The following MGAT4C variants were observed in gnomAD, a reference collection of about 807,000 sequenced individuals.
The protein encoded by MGAT4C is MGAT4 family member C.
Under a neutral mutation model 40.1 loss-of-function variants are expected in MGAT4C, and 19 were observed. The ratio of observed to expected loss-of-function variants is 0.47; its 90% confidence interval spans 0.33 to 0.70. MGAT4C has a LOEUF of 0.70. MGAT4C is among the 30% of genes least tolerant of loss of function. The pLI is 0.02. For missense variants in MGAT4C, 491 were observed against 563.2 expected (o/e 0.87, Z 1.30); for synonymous variants, 181 against 187.1 (o/e 0.97, Z 0.27).
Position 85,956,723 on chromosome 12 carries a change from G to A in MGAT4C, c.*22566C>T, listed in dbSNP as rs1217250205. On this transcript the variant is annotated 3_prime_UTR_variant, in exon 5 of 5. Coordinates refer to ENST00000611864, the MANE Select transcript of MGAT4C (RefSeq NM_001351288.2). ...TTAGTCAATAAATCATGAGCCCAAA[G>A]TCTATCCTCAACCAATCTAATCATG... The A allele has an allele frequency of 6.6e-6, 1 of 152,176 alleles. No individual in the cohort carries two copies. The highest frequency in any genetic ancestry group is 6.6e-5 in the Admixed American group (1 of 15,260). The allele number at this position is 152,176 out of a possible 1,614,324, so 9.4% of individuals were successfully genotyped here.
chr12:86,418,420 T>C (rs969618123), intron 3 of MGAT4C, among the ~76,000 whole-genome samples: 2 of 151,896 alleles, frequency 1.3e-5, no homozygotes, highest in African/African-American at 4.8e-5. Context: ...CTGGCTAACA[T>C]GGTGAAACTC....
intron 2 of MGAT4C, among the ~76,000 whole-genome samples, chr12:86,674,485 C>T (rs185739772): frequency 2.0e-4 from 30 of 152,160 alleles, no homozygotes; most frequent in East Asian, 7.8e-4. Context: ...CACCAGAGGT[C>T]GAGAGTTCGA....
At chr12:86,188,133 A>G (rs1888983260) in intron 1 of MGAT4C, among the ~76,000 whole-genome samples, 1 of 152,042 alleles carries the variant, frequency 6.6e-6, no homozygotes, top group Admixed American at 6.6e-5. Flanking sequence ...CTAGAAAAGT[A>G]TTTTTCAAAT....
chr12:86,284,599 T>C (rs1953302474), intron 4 of MGAT4C, among the ~76,000 whole-genome samples: 1 of 151,956 alleles, frequency 6.6e-6, no homozygotes, highest in South Asian at 2.1e-4. Context: ...TGTCTTACTA[T>C]CAAATACTTC....
intron 3 of MGAT4C, among the ~76,000 whole-genome samples, chr12:86,334,796 T>C (rs1954747477): frequency 6.6e-6 from 1 of 152,138 alleles, no homozygotes; most frequent in Non-Finnish European, 1.5e-5. Context: ...TTAGCTACTA[T>C]GTTATAGTGT....
At chr12:86,323,200 A>G (rs1026310408) in intron 4 of MGAT4C, among the ~76,000 whole-genome samples, 4 of 151,486 alleles carry the variant, frequency 2.6e-5, no homozygotes, top group Non-Finnish European at 5.9e-5. Flanking sequence ...AACAATTTAT[A>G]ATTTTTATAT....
intron 1 of MGAT4C, among the ~76,000 whole-genome samples, chr12:86,051,256 T>A (rs1781851945): frequency 6.6e-6 from 1 of 152,044 alleles, no homozygotes; most frequent in Non-Finnish European, 1.5e-5. Context: ...ACTAGTGATG[T>A]ACCTTTAAAT....
intron 3 of MGAT4C, among the ~76,000 whole-genome samples, chr12:86,419,585 G>A (rs1163972557): frequency 6.6e-6 from 1 of 152,110 alleles, no homozygotes; most frequent in Non-Finnish European, 1.5e-5. Flanking sequence ...ATAAAAGCAT[G>A]ACACTTTAGT....
intron 2 of MGAT4C, among the ~76,000 whole-genome samples, chr12:86,653,978 G>A (rs1395006697): frequency 6.6e-6 from 1 of 151,686 alleles, no homozygotes; most frequent in Non-Finnish European, 1.5e-5. Flanking sequence ...TTTCAGAAGG[G>A]AAAAATAAAA....
intron 2 of MGAT4C, among the ~76,000 whole-genome samples, chr12:86,608,163 G>A (rs1449734005): frequency 6.6e-6 from 1 of 152,018 alleles, no homozygotes; most frequent in Non-Finnish European, 1.5e-5. Flanking sequence ...TGATAAGAAA[G>A]ACAAATATAT....
chr12:86,477,794 G>A (rs1245640274), intron 2 of MGAT4C, among the ~76,000 whole-genome samples: 4 of 151,794 alleles, frequency 2.6e-5, no homozygotes, highest in Admixed American at 6.6e-5. Flanking sequence ...CCCTTCCTGC[G>A]TCCAAGTGTT....
rs1031770732 is a variant in MGAT4C, at chr12:86,392,712, C to T, written c.-120+42445G>A. On this transcript the variant is annotated intron_variant, in intron 3 of 7. Coordinates refer to the MGAT4C transcript ENST00000548651. ...GGAAATCAAATTCTTCACAATCTGA[C>T]GTATGCATTGCATATTCAATAAATA... Among the ~76,000 whole-genome samples the T allele has an allele frequency of 7.2e-5, 11 of 152,066 alleles. No homozygotes were observed. In the East Asian group the frequency reaches 1.3e-3, roughly 19 times the overall value.
At chr12:86,374,174 G>A (rs929851211) in intron 3 of MGAT4C, among the ~76,000 whole-genome samples, 4 of 152,080 alleles carry the variant, frequency 2.6e-5, no homozygotes, top group African/African-American at 4.8e-5. Flanking sequence ...TTTAGCTGTA[G>A]TGCAAGTATC....
chr12:86,470,864 T>C lies in MGAT4C; in HGVS notation c.-228-35599A>G, dbSNP rs1357971481. On this transcript the variant is annotated intron_variant, in intron 2 of 7. Transcript: ENST00000548651. Reference sequence around the variant, plus strand: ...CTGCTCCTCTCCGTATCTATGTATTTACTTCCTTTATATTATTCTTAACTT... The same window carrying C: ...CTGCTCCTCTCCGTATCTATGTATTCACTTCCTTTATATTATTCTTAACTT... 2.6e-5 allele frequency among the ~76,000 whole-genome samples: 4 copies of C among 152,122 alleles called. No homozygotes were observed. The East Asian group carries it at 7.7e-4, about 29-fold the overall frequency.
At chr12:86,058,516 T>G (rs1290395639) in intron 1 of MGAT4C, among the ~76,000 whole-genome samples, 1 of 152,158 alleles carries the variant, frequency 6.6e-6, no homozygotes, top group African/African-American at 2.4e-5. Context: ...GGAAATGCTT[T>G]AAGCATATTA....
intron 1 of MGAT4C, among the ~76,000 whole-genome samples, chr12:86,216,371 G>A (rs1386637852): frequency 6.6e-6 from 1 of 152,118 alleles, no homozygotes; most frequent in Non-Finnish European, 1.5e-5. Context: ...CCCTACAGAA[G>A]GCAAATGAAG....
intron 1 of MGAT4C, among the ~76,000 whole-genome samples, chr12:86,196,139 T>C (rs1179316473): frequency 6.6e-6 from 1 of 152,206 alleles, no homozygotes; most frequent in Non-Finnish European, 1.5e-5. Context: ...GGTTGGTTTC[T>C]GGTGAGGCCT....
intron 1 of MGAT4C, among the ~76,000 whole-genome samples, chr12:86,242,003 G>A (rs1277086789): frequency 1.3e-5 from 2 of 152,098 alleles, no homozygotes; most frequent in Admixed American, 6.6e-5. Flanking sequence ...TGGCCTCCCA[G>A]TGTCTCAGAA....
At chr12:86,532,250 T>C (rs765495951) in intron 2 of MGAT4C, among the ~76,000 whole-genome samples, 1 of 152,032 alleles carries the variant, frequency 6.6e-6, no homozygotes, top group East Asian at 1.9e-4. Flanking sequence ...GATTCATACA[T>C]ATAACACTTA....
Sources: allele counts gnomAD v4.1 joint callset (sites outside exome capture counted in the v4.1 genomes callset), GRCh38; gene constraint gnomAD v4.1.1; transcripts MANE v1.5; gene names NCBI Gene and HGNC (gene_info 2026-07-23, HGNC 2026-07-21).